HS3ST4: variants seen among roughly 807,000 people sequenced by gnomAD.
HS3ST4 encodes the protein heparan sulfate-glucosamine 3-sulfotransferase 4, also known as heparan sulfate glucosamine 3-O-sulfotransferase 4.
HS3ST4 carries 17 observed loss-of-function variants against 29.2 expected under a neutral mutation model. That is an observed-to-expected ratio of 0.58 (90% confidence interval 0.40 to 0.87). The LOEUF (loss-of-function observed/expected upper bound fraction) is 0.87. Ranked by LOEUF, HS3ST4 falls within the 40% of genes least tolerant of loss-of-function variation. The probability of loss-of-function intolerance (pLI) is 0.00; values close to 1 mark genes in which losing one functional copy is unlikely to be tolerated. For missense variants in HS3ST4, 627 were observed against 634.5 expected, an observed-to-expected ratio of 0.99 and a Z score of 0.13; for synonymous variants, 314 against 285.7, an observed-to-expected ratio of 1.10 and a Z score of -1.00.
intron 1 of HS3ST4, among the ~76,000 whole-genome samples, chr16:25,791,569 G>C (rs1966869269): frequency 6.6e-6 from 1 of 152,002 alleles, no homozygotes; most frequent in African/African-American, 2.4e-5. Context: ...ATTTATTAAA[G>C]TGTCTTTTAA....
intron 1 of HS3ST4, among the ~76,000 whole-genome samples, chr16:25,946,125 C>T (rs904546537): frequency 1.3e-5 from 2 of 152,150 alleles, no homozygotes; most frequent in Non-Finnish European, 1.5e-5. Context: ...TCTTGTGCAT[C>T]GATTTTGAAG....
At chr16:25,765,284 G>A (rs961334972) in intron 1 of HS3ST4, among the ~76,000 whole-genome samples, 1 of 152,216 alleles carries the variant, frequency 6.6e-6, no homozygotes, top group Non-Finnish European at 1.5e-5. Flanking sequence ...AGGTACTCCT[G>A]TTCAGTGGGC....
intron 1 of HS3ST4, among the ~76,000 whole-genome samples, chr16:25,861,189 C>T (rs35373654): frequency 0.3 from 45,946 of 152,022 alleles, 7,705 homozygotes; most frequent in Admixed American, 0.39. Context: ...CATCCATCTT[C>T]CTAGTGTCAG....
intron 1 of HS3ST4, among the ~76,000 whole-genome samples, chr16:25,857,754 A>G (rs1319358405): frequency 6.6e-6 from 1 of 152,172 alleles, no homozygotes; most frequent in Admixed American, 6.5e-5. Flanking sequence ...TAACACACAC[A>G]TATACGTGCA....
intron 1 of HS3ST4, among the ~76,000 whole-genome samples, chr16:26,009,113 C>T (rs1215711539): frequency 6.6e-6 from 1 of 152,168 alleles, no homozygotes; most frequent in Non-Finnish European, 1.5e-5. Flanking sequence ...GTTCTTCTTT[C>T]CTTCCCCAAA....
intron 1 of HS3ST4, among the ~76,000 whole-genome samples, chr16:26,031,535 C>T (rs886599741): frequency 2.0e-5 from 3 of 152,050 alleles, no homozygotes; most frequent in Non-Finnish European, 4.4e-5. Flanking sequence ...GCTTGATTAT[C>T]GTTGCACTTA....
chr16:26,002,898 G>C (rs1191836496), intron 1 of HS3ST4, among the ~76,000 whole-genome samples: 1 of 150,314 alleles, frequency 6.7e-6, no homozygotes, highest in East Asian at 1.9e-4. Flanking sequence ...CTCTCCAGAA[G>C]TTTCAAGAGA....
intron 1 of HS3ST4, among the ~76,000 whole-genome samples, chr16:26,079,832 CG>C (rs1898704863): frequency 6.6e-6 from 1 of 152,218 alleles, no homozygotes; most frequent in African/African-American, 2.4e-5. Context: ...GGCTTTAGCA[CG>C]GGAGCGGACT....
At chr16:25,898,655 G>C (rs529914476) in intron 1 of HS3ST4, among the ~76,000 whole-genome samples, 2 of 152,212 alleles carry the variant, frequency 1.3e-5, no homozygotes, top group Admixed American at 1.3e-4. Context: ...TCTCTATAAG[G>C]TCACCGGAAG....
chr16:25,944,631 A>G (rs933261877), intron 1 of HS3ST4, among the ~76,000 whole-genome samples: 6 of 152,178 alleles, frequency 3.9e-5, no homozygotes, highest in Non-Finnish European at 8.8e-5. Context: ...TCTTAACTAC[A>G]TTTCACCCCA....
intron 1 of HS3ST4, among the ~76,000 whole-genome samples, chr16:26,069,299 T>C (rs907869185): frequency 6.6e-6 from 1 of 152,182 alleles, no homozygotes; most frequent in African/African-American, 2.4e-5. Flanking sequence ...CAAGAAATGG[T>C]ATCTATTTCT....
chr16:26,059,138 C>G (rs1315599202), intron 1 of HS3ST4, among the ~76,000 whole-genome samples: 2 of 152,106 alleles, frequency 1.3e-5, no homozygotes, highest in Non-Finnish European at 2.9e-5. Context: ...GAGACAGAAC[C>G]TGGGACCTAG....
At chr16:25,957,285 C>T (rs1356118759) in intron 1 of HS3ST4, among the ~76,000 whole-genome samples, 1 of 152,184 alleles carries the variant, frequency 6.6e-6, no homozygotes, top group East Asian at 1.9e-4. Context: ...CCTGCCTCTT[C>T]TCTGGCAAAG....
At chr16:26,038,654 TTATG>T (rs551652348) in intron 1 of HS3ST4, among the ~76,000 whole-genome samples, 2,227 of 149,726 alleles carry the variant, frequency 0.015, 53 homozygotes, top group African/African-American at 0.05. Flanking sequence ...TTTTTTTTAA[TTATG>T]TATGTATGTA....
chr16:25,789,467 C>T (rs7199365), intron 1 of HS3ST4, among the ~76,000 whole-genome samples: 9,681 of 28,030 alleles, frequency 0.35, 639 homozygotes, highest in Admixed American at 0.44. Context: ...TCCTTCCTTC[C>T]TTCTTTCTTT....
intron 1 of HS3ST4, among the ~76,000 whole-genome samples, chr16:26,015,067 A>G (rs1001931294): frequency 2.0e-5 from 3 of 152,232 alleles, no homozygotes; most frequent in Non-Finnish European, 4.4e-5. Flanking sequence ...ACCTTGTTAG[A>G]GTCGTATTTG....
At chr16:25,913,072 G>A (rs997985726) in intron 1 of HS3ST4, among the ~76,000 whole-genome samples, 13 of 152,226 alleles carry the variant, frequency 8.5e-5, no homozygotes, top group South Asian at 2.1e-4. Context: ...CGCTGTTTAC[G>A]ATAGTGTTTC....
At chr16:26,097,623 A>G (rs1051157043) in intron 1 of HS3ST4, among the ~76,000 whole-genome samples, 3 of 152,264 alleles carry the variant, frequency 2.0e-5, no homozygotes, top group African/African-American at 7.2e-5. Flanking sequence ...CCAAAACTGT[A>G]GAAACCCTAG....
intron 1 of HS3ST4, among the ~76,000 whole-genome samples, chr16:26,036,566 C>T (rs777087268): frequency 5.3e-5 from 8 of 152,072 alleles, no homozygotes; most frequent in Non-Finnish European, 8.8e-5. Context: ...TAATGGATGC[C>T]TCCATTTAAG....
Sources: gnomAD v4.1 joint callset for allele counts (sites outside exome capture counted in the v4.1 genomes callset) on GRCh38, gnomAD v4.1.1 for gene constraint, MANE v1.5 for transcripts, NCBI Gene and HGNC (gene_info 2026-07-23, HGNC 2026-07-21) for gene names.